FILIP1: variants seen among roughly 807,000 people sequenced by gnomAD.
FILIP1 encodes filamin-A-interacting protein 1.
Under a neutral mutation model 102.1 loss-of-function variants are expected in FILIP1, and 61 were observed. The observed-to-expected ratio is 0.60, with a 90% CI of 0.49 to 0.74. The LOEUF (loss-of-function observed/expected upper bound fraction) is 0.74. Among genes scored for constraint, FILIP1 ranks in the 30% least tolerant of loss-of-function variants. FILIP1 has a pLI of 0.00. For missense variants in FILIP1, 1,314 were observed against 1,441.2 expected (o/e 0.91, Z 1.43); for synonymous variants, 491 against 526.9 (o/e 0.93, Z 0.93).
chr6:75,411,572 T>C (rs1269601153), intron 2 of FILIP1, among the ~76,000 whole-genome samples: 1 of 152,228 alleles, frequency 6.6e-6, no homozygotes, highest in Non-Finnish European at 1.5e-5. Context: ...AAATCTTTAA[T>C]CCATCGAGTT....
At chr6:75,293,155 G>A (rs1383039775) in exon 7 of FILIP1, 2 of 152,134 alleles carry the variant, frequency 1.3e-5, no homozygotes, top group Admixed American at 1.3e-4. Context: ...TTATGGATTA[G>A]TTCAATTGTA....
At chr6:75,324,443 T>C (rs1265699248) in intron 4 of FILIP1, among the ~76,000 whole-genome samples, 1 of 149,450 alleles carries the variant, frequency 6.7e-6, no homozygotes, top group Non-Finnish European at 1.5e-5. Flanking sequence ...TCACAGATGA[T>C]ACAAACAAAT....
At chr6:75,465,068 T>G (rs979871107) in intron 1 of FILIP1, 8 of 161,048 alleles carry the variant, frequency 5.0e-5, no homozygotes, top group African/African-American at 1.7e-4. Context: ...CGATGCCTTC[T>G]TAACACAGGA....
chr6:75,358,986 G>A (rs1011568448), intron 3 of FILIP1, among the ~76,000 whole-genome samples: 2 of 149,334 alleles, frequency 1.3e-5, no homozygotes, highest in African/African-American at 5.0e-5. Flanking sequence ...GGGATTACAG[G>A]CGTGAGCCAC....
chr6:75,423,548 T>C (rs990895984), intron 1 of FILIP1, among the ~76,000 whole-genome samples: 1 of 152,168 alleles, frequency 6.6e-6, no homozygotes, highest in African/African-American at 2.4e-5. Flanking sequence ...ATCCCAGCGA[T>C]ACCGTTACAT....
chr6:75,319,300 T>A, intron 4 of FILIP1: 4 of 661,084 alleles, frequency 6.1e-6, no homozygotes, highest in Non-Finnish European at 1.2e-5. Flanking sequence ...GCATCACCAA[T>A]GGGCAGGCCA....
intron 1 of FILIP1, among the ~76,000 whole-genome samples, chr6:75,449,605 C>T (rs1198467113): frequency 1.3e-5 from 2 of 151,960 alleles, no homozygotes; most frequent in Non-Finnish European, 2.9e-5. Context: ...ACAGCAAGAC[C>T]CCATCTGTAT....
chr6:75,350,082 T>A (rs1694603602), intron 4 of FILIP1, among the ~76,000 whole-genome samples: 1 of 151,868 alleles, frequency 6.6e-6, no homozygotes, highest in African/African-American at 2.4e-5. Flanking sequence ...AGACGCCAAC[T>A]TAAGGTATCA....
chr6:75,456,481 A>G (rs935443819), intron 1 of FILIP1, among the ~76,000 whole-genome samples: 2 of 152,186 alleles, frequency 1.3e-5, no homozygotes, highest in Non-Finnish European at 2.9e-5. Context: ...TAAAGAACAA[A>G]TAAGTTTTCA....
intron 4 of FILIP1, among the ~76,000 whole-genome samples, chr6:75,322,108 C>G (rs1773685630): frequency 6.6e-6 from 1 of 152,136 alleles, no homozygotes; most frequent in South Asian, 2.1e-4. Context: ...TTTTTCTCTT[C>G]CCTCATATTT....
chr6:75,296,079 A>G, intron 6 of FILIP1: 1 of 543,410 alleles, frequency 1.8e-6, no homozygotes, highest in South Asian at 5.2e-5. Flanking sequence ...AGGCTAATAG[A>G]CTTTCCTGCA....
chr6:75,361,214 C>T (rs758340443), intron 3 of FILIP1, among the ~76,000 whole-genome samples: 1 of 152,142 alleles, frequency 6.6e-6, no homozygotes, highest in Non-Finnish European at 1.5e-5. Flanking sequence ...TCCTCTGTCC[C>T]TGAGTTAGGA....
rs1461533978 is a variant in FILIP1 at position 75,336,739 on chromosome 6, AG to A, written c.629+16799del. Among the ~76,000 whole-genome samples, 11 of 152,326 alleles carry A rather than the reference AG, an allele frequency of 7.2e-5. No individual in the cohort carries two copies. In the East Asian group the frequency reaches 2.1e-3, roughly 29 times the overall value. On this transcript the variant is annotated intron_variant, in intron 4 of 5. Coordinates refer to ENST00000237172, the MANE Select transcript of FILIP1 (RefSeq NM_015687.5). ...AATACCACAAATGTCAATCACAGAC[AG>A]GTTTCTTTTCCCTCCCTGTTTAATA...
intron 2 of FILIP1, among the ~76,000 whole-genome samples, chr6:75,406,143 C>T (rs929427555): frequency 2.6e-5 from 4 of 152,172 alleles, no homozygotes; most frequent in Non-Finnish European, 5.9e-5. Flanking sequence ...TACACTTTCA[C>T]CTTTACTCCC....
rs138430548 is a variant in FILIP1, at chr6:75,435,079, T to C, written c.-6-20101A>G. Among the ~76,000 whole-genome samples the C allele has an allele frequency of 1.4e-3, 215 of 152,342 alleles. 1 individual carries two copies. The highest frequency in any genetic ancestry group is 5.0e-3 in the African/African-American group (206 of 41,572). On this transcript the variant is annotated intron_variant, in intron 1 of 5. Coordinates refer to ENST00000237172, the MANE Select transcript of FILIP1 (RefSeq NM_015687.5). ...TAAACTTTTTGCTGTGCTGCTAGAT[T>C]CAGTTTGCCAGTATTTTATTGAGGA...
At chr6:75,379,510 G>A (rs916570398) in intron 2 of FILIP1, among the ~76,000 whole-genome samples, 18 of 152,198 alleles carry the variant, frequency 1.2e-4, no homozygotes, top group African/African-American at 4.1e-4. Flanking sequence ...CAGACTTATT[G>A]GGAGAAACAA....
chr6:75,437,749 A>C (rs1778074890), intron 1 of FILIP1, among the ~76,000 whole-genome samples: 1 of 152,220 alleles, frequency 6.6e-6, no homozygotes, highest in African/African-American at 2.4e-5. Flanking sequence ...AGGAACTGTC[A>C]TCAAGAACCG....
intron 5 of FILIP1, 104 bp from the exon 6 acceptor site, chr6:75,309,001 C>A: frequency 2.6e-6 from 3 of 1,153,748 alleles, no homozygotes; most frequent in South Asian, 1.5e-5. Flanking sequence ...ACAGGAACAC[C>A]CACAGAAGAC....
downstream of FILIP1, among the ~76,000 whole-genome samples, chr6:75,305,966 A>G (rs1772973332): frequency 6.6e-6 from 1 of 152,196 alleles, no homozygotes; most frequent in African/African-American, 2.4e-5. Context: ...TTTTCATCCC[A>G]TTCACCCCTA....
Sources: gnomAD v4.1 joint callset for allele counts (sites outside exome capture counted in the v4.1 genomes callset) on GRCh38, gnomAD v4.1.1 for gene constraint, MANE v1.5 for transcripts, NCBI Gene and HGNC (gene_info 2026-07-23, HGNC 2026-07-21) for gene names.